LDB3: variants seen among roughly 807,000 people sequenced by gnomAD.
The protein encoded by LDB3 is LIM domain binding 3, also known as LIM domain-binding protein 3.
In LDB3, 49 loss-of-function variants were observed where a neutral mutation model predicts 69.0. That is an observed-to-expected ratio of 0.71 (90% confidence interval 0.56 to 0.90). The LOEUF is 0.90. Ranked by LOEUF, LDB3 falls within the 40% of genes least tolerant of loss-of-function variation. The pLI, the probability that LDB3 is intolerant of heterozygous loss-of-function variation, is 0.00. For synonymous variants in LDB3, 387 were observed against 396.2 expected (o/e 0.98, Z 0.28); for missense variants, 928 against 974.1 (o/e 0.95, Z 0.63).
chr10:86,726,563 T>C, intron 13 of LDB3: 1 of 418,802 alleles, frequency 2.4e-6, no homozygotes, highest in Admixed American at 3.5e-5. Flanking sequence ...CAGCAGATGA[T>C]GCTTGGCTTT....
intron 5 of LDB3, among the ~76,000 whole-genome samples, chr10:86,687,593 G>A (rs957656296): frequency 6.6e-6 from 1 of 152,248 alleles, no homozygotes; most frequent in South Asian, 2.1e-4. Context: ...TTAACAAGGG[G>A]ACCATTCTGG....
At chr10:86,710,657 C>CG (rs1846614056) in intron 9 of LDB3, among the ~76,000 whole-genome samples, 1 of 152,222 alleles carries the variant, frequency 6.6e-6, no homozygotes, top group Non-Finnish European at 1.5e-5. Flanking sequence ...AGCCTAGACT[C>CG]GGGAGCAGGT....
chr10:86,674,614 T>C (rs572126121), intron 2 of LDB3, among the ~76,000 whole-genome samples: 6 of 152,120 alleles, frequency 3.9e-5, no homozygotes, highest in African/African-American at 1.2e-4. Context: ...GAGGGGCCCA[T>C]TGGCGGGAGA....
rs1196982826 is a variant in LDB3, at chr10:86,685,576, T to C, written c.689+3773T>C. ...CACCCATTGCGGTTTGGGCTGGTTCTGCCTCCACAATGACCAGGCTGATGA... is the reference window on the plus strand; with the variant it reads ...CACCCATTGCGGTTTGGGCTGGTTCCGCCTCCACAATGACCAGGCTGATGA... On this transcript the variant is annotated intron_variant, in intron 5 of 13. Coordinates refer to ENST00000361373, the MANE Select transcript of LDB3 (RefSeq NM_007078.3). 4 of 1,216,598 alleles carry C rather than the reference T, an allele frequency of 3.3e-6. No individual in the cohort carries two copies. In the East Asian group the frequency reaches 9.3e-5, roughly 28 times the overall value. 75.4% of individuals were successfully genotyped at this position (1,216,598 alleles called of 1,614,324 possible).
At position 86,719,282 on chromosome 10, in the gene LDB3, C is replaced by A. The variant is rs538847584; in HGVS notation, c.1978+435C>A. Among the ~76,000 whole-genome samples, 3 of 152,046 alleles carry A rather than the reference C, an allele frequency of 2.0e-5. No individual in the cohort carries two copies. In the East Asian group the frequency reaches 5.8e-4, roughly 29 times the overall value. ...TGGCGCGTGCCTGTAGTCTCAGCTA[C>A]GCAGGAGGCTGAAGTGGGAGGGTCG... On this transcript the variant is annotated intron_variant, in intron 12 of 13. Transcript: ENST00000361373.
At chr10:86,689,115 G>T (rs144268902) in intron 5 of LDB3, among the ~76,000 whole-genome samples, 2 of 152,134 alleles carry the variant, frequency 1.3e-5, no homozygotes, top group South Asian at 2.1e-4. Flanking sequence ...CTCAATGACC[G>T]TGTTTTTTCT....
At chr10:86,709,770 C>T (rs1249641313) in intron 8 of LDB3, 135 bp from the exon 9 acceptor site, 17 of 949,458 alleles carry the variant, frequency 1.8e-5, no homozygotes, top group Non-Finnish European at 2.3e-5. Context: ...TTCACAGTTT[C>T]TGGCAGTTCC....
intron 7 of LDB3, among the ~76,000 whole-genome samples, chr10:86,704,431 T>A (rs1589661433): frequency 6.6e-6 from 1 of 152,218 alleles, no homozygotes; most frequent in East Asian, 1.9e-4. Context: ...TTTTTTTTTT[T>A]TAAGATGGAA....
chr10:86,691,629 G>A (rs1845766565), intron 5 of LDB3, among the ~76,000 whole-genome samples: 1 of 151,952 alleles, frequency 6.6e-6, no homozygotes, highest in Non-Finnish European at 1.5e-5. Context: ...TCCGGCCTAG[G>A]CCTGGAGTTA....
chr10:86,706,921 C>T (rs1846466705), intron 8 of LDB3, among the ~76,000 whole-genome samples: 1 of 152,170 alleles, frequency 6.6e-6, no homozygotes, highest in African/African-American at 2.4e-5. Flanking sequence ...GTGGCGGGGA[C>T]TGTCACTCTG....
intron 2 of LDB3, among the ~76,000 whole-genome samples, chr10:86,676,564 C>A (rs371972777): frequency 7.2e-4 from 79 of 109,628 alleles, no homozygotes; most frequent in Non-Finnish European, 8.1e-4. Flanking sequence ...GACCCTGTCT[C>A]AAAAAAAAAA....
At chr10:86,714,222 C>T (rs1460248137) in intron 9 of LDB3, among the ~76,000 whole-genome samples, 3 of 152,158 alleles carry the variant, frequency 2.0e-5, no homozygotes, top group African/African-American at 4.8e-5. Context: ...GGACACAAAA[C>T]CAGGAGGTAG....
chr10:86,706,687 A>G lies in LDB3; in HGVS notation c.1053A>G (p.Thr351=). The G allele has an allele frequency of 6.2e-7, 1 of 1,612,764 alleles. No homozygotes were observed. ...AHTAIASAST[T]APASSPADSP... is the part of the protein sequence containing the mutation. ...CTGCCATCGCCTCCGCCTCCACCAC[A>G]GCCCCTGCTTCAAGTCCTGCCGACA... The change falls in exon 8 of 14, where the codon ACA becomes ACG. Residue 351 remains threonine (T), a synonymous_variant. Transcript: ENST00000361373.
chr10:86,713,178 C>T (rs1846732355), intron 9 of LDB3, among the ~76,000 whole-genome samples: 1 of 152,094 alleles, frequency 6.6e-6, no homozygotes. Context: ...TCGGACTAGC[C>T]ACATTTCAGC....
At chr10:86,711,559 C>G (rs1490888605) in intron 9 of LDB3, among the ~76,000 whole-genome samples, 2 of 151,974 alleles carry the variant, frequency 1.3e-5, no homozygotes, top group African/African-American at 4.8e-5. Context: ...TCCCGAGCCC[C>G]CCTCCGCTCC....
At chr10:86,677,790 A>T (rs1350602579) in intron 2 of LDB3, among the ~76,000 whole-genome samples, 1 of 152,190 alleles carries the variant, frequency 6.6e-6, no homozygotes, top group East Asian at 1.9e-4. Context: ...GAGTTTGCTC[A>T]TCCAGGCAGG....
At chr10:86,667,088 G>T (rs1216226791), upstream of LDB3, among the ~76,000 whole-genome samples, 1 of 152,176 alleles carries the variant, frequency 6.6e-6, no homozygotes, top group South Asian at 2.1e-4. Context: ...GCATGATATA[G>T]GGTGAAGGAA....
At chr10:86,678,242 G>T (rs1022974634) in intron 2 of LDB3, among the ~76,000 whole-genome samples, 1 of 150,216 alleles carries the variant, frequency 6.7e-6, no homozygotes, top group African/African-American at 2.4e-5. Context: ...GTACAGACGG[G>T]GTTTCACCAT....
In LDB3 at chr10:86,681,624, C is replaced by A; in HGVS notation, c.510C>A (p.Ala170=). 1 of 1,613,142 alleles carries A rather than the reference C, an allele frequency of 6.2e-7. No homozygotes were observed. Among genetic ancestry groups the A allele is most frequent in the Non-Finnish European group, 8.5e-7 (1 of 1,179,806 alleles). Reference sequence around the variant, plus strand: ...GCCCTCCGCGGGCCAGCCTGAGGGCCAAGACCAGCCCAGAGGGGGCCCGGG... The same window carrying A: ...GCCCTCCGCGGGCCAGCCTGAGGGCAAAGACCAGCCCAGAGGGGGCCCGGG... ...DPGPPRASLR[A]KTSPEGARDL... Residue 170 remains alanine, a synonymous_variant, in exon 5 of 14, where the codon GCC becomes GCA. Transcript: ENST00000361373.
Sources: allele counts gnomAD v4.1 joint callset (sites outside exome capture counted in the v4.1 genomes callset), GRCh38; gene constraint gnomAD v4.1.1; transcripts MANE v1.5; gene names NCBI Gene and HGNC (gene_info 2026-07-23, HGNC 2026-07-21).